MARCHF1: variants seen among roughly 807,000 people sequenced by gnomAD.
MARCHF1 encodes membrane associated ring-CH-type finger 1, also known as E3 ubiquitin-protein ligase MARCHF1.
In MARCHF1, 40 loss-of-function variants were observed where a neutral mutation model predicts 54.2. The ratio of observed to expected loss-of-function variants is 0.74; its 90% CI spans 0.57 to 0.96. The LOEUF is 0.96. MARCHF1 is among the 40% of genes least tolerant of loss of function. The pLI, the probability that MARCHF1 is intolerant of heterozygous loss-of-function variation, is 0.00. For missense variants in MARCHF1, 586 were observed against 656.5 expected (o/e 0.89, Z 1.17); for synonymous variants, 236 against 236.3 (o/e 1.00, Z 0.01).
At chr4:163,779,024 C>G (rs573456247) in intron 4 of MARCHF1, among the ~76,000 whole-genome samples, 1 of 152,152 alleles carries the variant, frequency 6.6e-6, no homozygotes, top group Non-Finnish European at 1.5e-5. Context: ...TGCAGCATTT[C>G]CATAAATTTT....
At chr4:164,353,941 A>C (rs1730432288) in intron 1 of MARCHF1, among the ~76,000 whole-genome samples, 1 of 106,852 alleles carries the variant, frequency 9.4e-6, no homozygotes, top group African/African-American at 3.5e-5. Context: ...ATCACCACTG[A>C]TCCCACAGAA....
chr4:164,016,549 A>T (rs1045108403), intron 2 of MARCHF1, among the ~76,000 whole-genome samples: 1 of 152,336 alleles, frequency 6.6e-6, no homozygotes, highest in South Asian at 2.1e-4. Context: ...AAGTGAAATA[A>T]GCCAGGAAGA....
chr4:164,028,684 T>C (rs1250321524), intron 2 of MARCHF1, among the ~76,000 whole-genome samples: 1 of 152,116 alleles, frequency 6.6e-6, no homozygotes, highest in Admixed American at 6.6e-5. Flanking sequence ...ATACAATATA[T>C]CCATGTAACA....
chr4:164,323,150 GTTCT>G (rs903094232), intron 1 of MARCHF1, among the ~76,000 whole-genome samples: 9 of 151,768 alleles, frequency 5.9e-5, no homozygotes, highest in Admixed American at 4.6e-4. Context: ...ACATTGTGCT[GTTCT>G]TTCTAAGTTC....
chr4:163,755,725 C>A (rs1430727794), intron 4 of MARCHF1, among the ~76,000 whole-genome samples: 5 of 151,614 alleles, frequency 3.3e-5, no homozygotes, highest in African/African-American at 1.2e-4. Flanking sequence ...GGAAGCCATG[C>A]TGTATTTTTG....
intron 1 of MARCHF1, among the ~76,000 whole-genome samples, chr4:164,193,403 C>T (rs1266331319): frequency 1.3e-5 from 2 of 151,944 alleles, no homozygotes; most frequent in East Asian, 1.9e-4. Flanking sequence ...GAGCTATGCT[C>T]CCAGTTATCC....
At chr4:164,221,379 A>G (rs1192262706) in intron 1 of MARCHF1, among the ~76,000 whole-genome samples, 1 of 152,086 alleles carries the variant, frequency 6.6e-6, no homozygotes, top group Non-Finnish European at 1.5e-5. Flanking sequence ...ATGTATAAGG[A>G]GAAATACATA....
chr4:163,998,231 C>G (rs148421053), intron 2 of MARCHF1, among the ~76,000 whole-genome samples: 1 of 151,310 alleles, frequency 6.6e-6, no homozygotes, highest in Non-Finnish European at 1.5e-5. Flanking sequence ...TATTCTCTAT[C>G]TATACTAGGC....
chr4:164,209,025 T>G (rs1731692055), intron 1 of MARCHF1, among the ~76,000 whole-genome samples: 1 of 149,708 alleles, frequency 6.7e-6, no homozygotes, highest in African/African-American at 2.4e-5. Flanking sequence ...ACATATTTAT[T>G]ATATATATTA....
chr4:164,289,220 T>C (rs1456447329), intron 1 of MARCHF1, among the ~76,000 whole-genome samples: 3 of 151,998 alleles, frequency 2.0e-5, no homozygotes, highest in Non-Finnish European at 4.4e-5. Flanking sequence ...TAGAGTCTAA[T>C]GATAAATGAA....
intron 1 of MARCHF1, among the ~76,000 whole-genome samples, chr4:164,224,641 TAA>T (rs1560961584): frequency 6.6e-6 from 1 of 152,016 alleles, no homozygotes; most frequent in Admixed American, 6.6e-5. Flanking sequence ...TAGCAAAACC[TAA>T]GACATTACCT....
chr4:163,815,443 T>A (rs538151962), intron 4 of MARCHF1, among the ~76,000 whole-genome samples: 1 of 152,304 alleles, frequency 6.6e-6, no homozygotes, highest in South Asian at 2.1e-4. Flanking sequence ...TTAATCTTCA[T>A]TGATTGCATT....
chr4:163,799,441 T>A (rs1748016332), intron 4 of MARCHF1, among the ~76,000 whole-genome samples: 1 of 152,182 alleles, frequency 6.6e-6, no homozygotes, highest in East Asian at 1.9e-4. Flanking sequence ...CTTCAAATAC[T>A]TGAAAGGCAA....
chr4:164,057,686 G>A (rs1451610952), intron 2 of MARCHF1, among the ~76,000 whole-genome samples: 3 of 152,124 alleles, frequency 2.0e-5, no homozygotes, highest in African/African-American at 7.2e-5. Flanking sequence ...CAGTAAAATA[G>A]AAAGAATCTG....
intron 1 of MARCHF1, among the ~76,000 whole-genome samples, chr4:164,298,790 T>C (rs1734476913): frequency 6.6e-6 from 1 of 152,148 alleles, no homozygotes; most frequent in African/African-American, 2.4e-5. Context: ...AAGAAGGTTA[T>C]ATTTTATTAT....
chr4:164,033,604 A>G (rs1385647331), intron 2 of MARCHF1, among the ~76,000 whole-genome samples: 3 of 152,236 alleles, frequency 2.0e-5, no homozygotes, highest in Admixed American at 2.0e-4. Flanking sequence ...CCCATCAGAA[A>G]GTGGGCAAAG....
At chr4:163,914,478 T>C (rs987631666) in intron 3 of MARCHF1, among the ~76,000 whole-genome samples, 1 of 152,008 alleles carries the variant, frequency 6.6e-6, no homozygotes, top group Admixed American at 6.6e-5. Flanking sequence ...GTATAACATA[T>C]ATGAGAAGAG....
intron 1 of MARCHF1, among the ~76,000 whole-genome samples, chr4:164,174,628 A>G (rs779728768): frequency 6.6e-6 from 1 of 152,148 alleles, no homozygotes; most frequent in Non-Finnish European, 1.5e-5. Context: ...TTCAGTAGTC[A>G]GTGTTTTGAT....
At chr4:163,614,638 T>A (rs949633781) in intron 5 of MARCHF1, among the ~76,000 whole-genome samples, 2 of 152,146 alleles carry the variant, frequency 1.3e-5, no homozygotes, top group African/African-American at 4.8e-5. Context: ...AGGTCATATT[T>A]GAAGAGAAGG....
Sources: gnomAD v4.1 joint callset for allele counts (sites outside exome capture counted in the v4.1 genomes callset) on GRCh38, gnomAD v4.1.1 for gene constraint, MANE v1.5 for transcripts, NCBI Gene and HGNC (gene_info 2026-07-23, HGNC 2026-07-21) for gene names.